Variants in CTNNA3 observed in about 807,000 individuals in gnomAD.
CTNNA3 encodes catenin alpha-3.
A neutral mutation model predicts 95.7 loss-of-function variants in CTNNA3; 76 were observed. The observed-to-expected ratio is 0.79, with a 90% CI of 0.66 to 0.96. The LOEUF (loss-of-function observed/expected upper bound fraction) is 0.96, where lower values mean the gene tolerates loss of function less well. Ranked by LOEUF, CTNNA3 falls within the 40% of genes least tolerant of loss-of-function variation. The probability of loss-of-function intolerance (pLI) is 0.00; values close to 1 mark genes in which losing one functional copy is unlikely to be tolerated. For missense variants in CTNNA3, 1,191 were observed against 1,089.8 expected (o/e 1.09, Z -1.31); for synonymous variants, 431 against 374.4 (o/e 1.15, Z -1.74).
At chr10:66,369,867 G>A (rs894128134) in intron 12 of CTNNA3, among the ~76,000 whole-genome samples, 5 of 152,036 alleles carry the variant, frequency 3.3e-5, no homozygotes, top group African/African-American at 7.2e-5. Context: ...AAACTTGCTC[G>A]TCTTGAAAAC....
At chr10:66,470,945 C>T (rs904990561) in intron 11 of CTNNA3, among the ~76,000 whole-genome samples, 4 of 151,844 alleles carry the variant, frequency 2.6e-5, no homozygotes, top group Non-Finnish European at 4.4e-5. Flanking sequence ...AGCTTGCCAT[C>T]AACTTAACTT....
At chr10:67,205,114 G>A (rs1564971354) in intron 6 of CTNNA3, among the ~76,000 whole-genome samples, 1 of 152,186 alleles carries the variant, frequency 6.6e-6, no homozygotes, top group African/African-American at 2.4e-5. Context: ...AGGCAGTTTA[G>A]TTTGGGGGAA....
chr10:66,774,397 T>C (rs2132818171), intron 8 of CTNNA3, among the ~76,000 whole-genome samples: 1 of 152,286 alleles, frequency 6.6e-6, no homozygotes. Flanking sequence ...GCTTTCTCAT[T>C]TGCATCGTAA....
rs1004472443 is a variant in CTNNA3 at position 66,828,548 on chromosome 10, G to T, written c.1048-53024C>A. On this transcript the variant is annotated intron_variant, in intron 7 of 17. Transcript: ENST00000433211. ...TGCCCAGTATGTTGCTTGCCACGTG[G>T]TTATTAAGAAATTGTTGGTAAATGA... 1.4e-4 allele frequency among the ~76,000 whole-genome samples: 21 copies of T among 152,146 alleles called. 1 individual carries two copies. The highest frequency in any genetic ancestry group is 1.2e-3 in the Admixed American group (18 of 15,278).
chr10:67,597,345 G>A (rs1174265574), intron 3 of CTNNA3, among the ~76,000 whole-genome samples: 2 of 152,196 alleles, frequency 1.3e-5, no homozygotes, highest in African/African-American at 4.8e-5. Flanking sequence ...GACTTTTAGA[G>A]TGGCCAGAGT....
At chr10:66,510,770 C>G (rs1042741826) in intron 11 of CTNNA3, among the ~76,000 whole-genome samples, 1 of 151,648 alleles carries the variant, frequency 6.6e-6, no homozygotes, top group Admixed American at 6.6e-5. Context: ...ATGTTTTTGA[C>G]GTGCTGTTGG....
chr10:67,702,066 G>A (rs1240768508), intron 1 of CTNNA3, among the ~76,000 whole-genome samples: 1 of 152,096 alleles, frequency 6.6e-6, no homozygotes, highest in East Asian at 1.9e-4. Flanking sequence ...AATTCAACAA[G>A]AAGAGCTAAC....
chr10:67,429,053 A>T (rs1846017248), intron 5 of CTNNA3, among the ~76,000 whole-genome samples: 1 of 151,996 alleles, frequency 6.6e-6, no homozygotes, highest in Non-Finnish European at 1.5e-5. Context: ...CTCAAATAAT[A>T]TACTTCTTCC....
intron 7 of CTNNA3, among the ~76,000 whole-genome samples, chr10:66,796,839 A>G (rs1841212563): frequency 6.6e-6 from 1 of 152,126 alleles, no homozygotes; most frequent in South Asian, 2.1e-4. Flanking sequence ...AAGCCATGTA[A>G]CAAACTAAAA....
intron 11 of CTNNA3, among the ~76,000 whole-genome samples, chr10:66,494,190 G>A (rs1389190631): frequency 6.6e-6 from 1 of 152,196 alleles, no homozygotes. Context: ...TTACAGGCGT[G>A]AGCCACTGCG....
intron 13 of CTNNA3, among the ~76,000 whole-genome samples, chr10:66,244,310 T>C (rs1384179172): frequency 1.3e-5 from 2 of 152,220 alleles, no homozygotes; most frequent in Non-Finnish European, 1.5e-5. Context: ...CATCTGGGCC[T>C]GCGCAGAACT....
intron 11 of CTNNA3, among the ~76,000 whole-genome samples, chr10:66,453,216 CAAAAA>C (rs1159250724): frequency 7.5e-6 from 1 of 133,302 alleles, no homozygotes; most frequent in Non-Finnish European, 1.6e-5. Flanking sequence ...GACTCTGTCT[CAAAAA>C]AGAAAAAAAA....
intron 7 of CTNNA3, among the ~76,000 whole-genome samples, chr10:67,006,797 A>AT (rs36043805): frequency 0.52 from 79,063 of 151,068 alleles, 21,369 homozygotes; most frequent in Middle Eastern, 0.74. Context: ...ACAGTCTTAA[A>AT]TTTTTTTTTC....
At chr10:67,580,701 T>C (rs1449607684) in intron 3 of CTNNA3, among the ~76,000 whole-genome samples, 1 of 151,968 alleles carries the variant, frequency 6.6e-6, no homozygotes, top group Non-Finnish European at 1.5e-5. Flanking sequence ...CATGGAATGT[T>C]CTTCCATTTG....
At chr10:66,682,025 G>C (rs1589117063) in intron 9 of CTNNA3, among the ~76,000 whole-genome samples, 1 of 152,172 alleles carries the variant, frequency 6.6e-6, no homozygotes, top group African/African-American at 2.4e-5. Context: ...GGCGTGTCAG[G>C]TCCTTTGTAG....
At position 66,927,365 on chromosome 10, in the gene CTNNA3, C is replaced by A; in HGVS notation, c.1048-151841G>T. The A allele has an allele frequency of 6.2e-7, 1 of 1,614,200 alleles. No individual in the cohort carries two copies. The highest frequency in any genetic ancestry group is 1.7e-5 in the Admixed American group (1 of 60,032). ...TATAATCAGCTGCATTCTCTGGGAT[C>A]TGAACAGTTTCGGGGCTTGCGGAAG... On this transcript the variant is annotated intron_variant, in intron 7 of 17. Transcript: ENST00000433211. This position sits in a 1 kb window ranked among gnomAD's most constrained non-coding sequence, Gnocchi z 4.7.
At chr10:65,966,288 T>A (rs761849713) in intron 17 of CTNNA3, among the ~76,000 whole-genome samples, 1 of 152,196 alleles carries the variant, frequency 6.6e-6, no homozygotes, top group African/African-American at 2.4e-5. Flanking sequence ...AGAAAAATTA[T>A]AGGATTCATT....
intron 5 of CTNNA3, among the ~76,000 whole-genome samples, chr10:67,515,076 A>G (rs920385214): frequency 6.6e-6 from 1 of 152,144 alleles, no homozygotes; most frequent in Non-Finnish European, 1.5e-5. Context: ...ATGACCATTA[A>G]CTATCCAATG....
intron 2 of CTNNA3, among the ~76,000 whole-genome samples, chr10:67,644,166 C>G (rs1049999399): frequency 2.0e-5 from 3 of 152,176 alleles, no homozygotes; most frequent in Non-Finnish European, 4.4e-5. Flanking sequence ...TAAAAGCATT[C>G]CTATTTCTCC....
Sources: allele counts gnomAD v4.1 joint callset (sites outside exome capture counted in the v4.1 genomes callset), GRCh38; gene constraint gnomAD v4.1.1; non-coding constraint Gnocchi (gnomAD v3.1); transcripts MANE v1.5; gene names NCBI Gene and HGNC (gene_info 2026-07-23, HGNC 2026-07-21).